PCDHGA6: variants seen among roughly 807,000 people sequenced by gnomAD.
PCDHGA6 encodes the protein protocadherin gamma subfamily A, 6.
Under a neutral mutation model 60.6 loss-of-function variants are expected in PCDHGA6, and 41 were observed. The ratio of observed to expected loss-of-function variants is 0.68; its 90% confidence interval spans 0.53 to 0.88. PCDHGA6 has a LOEUF of 0.88. Among genes scored for constraint, PCDHGA6 ranks in the 40% least tolerant of loss-of-function variants. The pLI is 0.00. For synonymous variants in PCDHGA6, 594 were observed against 524.4 expected (o/e 1.13, Z -1.81); for missense variants, 1,312 against 1,203.0 (o/e 1.09, Z -1.34).
intron 1 of PCDHGA6, chr5:141,478,768 A>G: frequency 6.7e-7 from 1 of 1,501,046 alleles, no homozygotes; most frequent in African/African-American, 1.4e-5. Context: ...TACTTGACTC[A>G]TCTGTGGACC....
At chr5:141,414,395 G>GAAAAGTCC (rs1226242642) in intron 1 of PCDHGA6, 1 of 1,613,924 alleles carries the variant, frequency 6.2e-7, no homozygotes, top group South Asian at 1.1e-5. Context: ...AGTTATTACA[G>GAAAAGTCC]ATTGGTGATA....
intron 1 of PCDHGA6, chr5:141,389,294 A>C: frequency 1.2e-6 from 2 of 1,613,964 alleles, no homozygotes; most frequent in Non-Finnish European, 8.5e-7. Flanking sequence ...CCTCTATTTC[A>C]CAAGTCAGGG....
At chr5:141,502,932 C>T (rs1039438031) in intron 2 of PCDHGA6, among the ~76,000 whole-genome samples, 2 of 143,766 alleles carry the variant, frequency 1.4e-5, no homozygotes, top group African/African-American at 5.3e-5. Context: ...CAACCTTCAC[C>T]TCCTGGGTTC....
Position 141,375,597 on chromosome 5 carries a change from T to A in PCDHGA6, c.1514T>A (p.Val505Glu), listed in dbSNP as rs752006849. ...TLQGAPLSSY[V>E]SINSDTGILY... ...CAGGGGGCGCCCCTGTCCTCCTACG[T>A]GTCCATCAACTCCGACACTGGGATT... Residue 505 changes from valine to glutamate, a missense_variant, in exon 1 of 4, where the codon GTG (valine) becomes GAG (glutamate). Transcript: ENST00000517434. The A allele has an allele frequency of 1.4e-5, 22 of 1,614,042 alleles. No homozygotes were observed. In the Middle Eastern group the frequency reaches 4.9e-4, roughly 36 times the overall value.
intron 1 of PCDHGA6, chr5:141,399,694 A>G (rs1467163302): frequency 1.9e-6 from 3 of 1,613,454 alleles, no homozygotes; most frequent in Admixed American, 1.7e-5. Flanking sequence ...GCAGCTGCGC[A>G]CCTTCGAACT....
At position 141,379,889 on chromosome 5, in the gene PCDHGA6, C is replaced by CTTTTTTTTTTTTT. The variant is rs70988800; in HGVS notation, c.2424+3400_2424+3412dup. Among the ~76,000 whole-genome samples, 110 of 50,830 alleles carry CTTTTTTTTTTTTT rather than the reference C, an allele frequency of 2.2e-3. 13 individuals carry two copies. Among genetic ancestry groups the CTTTTTTTTTTTTT allele is most frequent in the African/African-American group, 3.3e-3 (50 of 15,082 alleles). 33.3% of individuals were successfully genotyped at this position (50,830 alleles called of 152,430 possible). ...CTTATTTTATGGTCTGTGAAAGCCTCTTTTTTTTTTTTTTTTTTTTTTTTT... is the reference window on the plus strand; with the variant it reads ...CTTATTTTATGGTCTGTGAAAGCCTCTTTTTTTTTTTTTTTTTTTTTTTTTTTTTTTTTTTTTT... On this transcript the variant is annotated intron_variant, in intron 1 of 3. Transcript: ENST00000517434.
At chr5:141,413,221 G>C (rs1384304697) in intron 1 of PCDHGA6, 1 of 1,613,570 alleles carries the variant, frequency 6.2e-7, no homozygotes, top group South Asian at 1.1e-5. Context: ...GGATTGCAGC[G>C]GGCTGGTCCT....
At position 141,432,781 on chromosome 5, in the gene PCDHGA6, C is replaced by T. The variant is rs761954375; in HGVS notation, c.2424+56274C>T. On this transcript the variant is annotated intron_variant, in intron 1 of 3. Coordinates refer to ENST00000517434, the MANE Select transcript of PCDHGA6 (RefSeq NM_018919.3). This position sits in a 1 kb window ranked among gnomAD's most constrained non-coding sequence, Gnocchi z 6.0. ...ACAGCATCCCCCAAGTCCTGGCGGA[C>T]CTCGGCAGCCTCGAGTCTCCAGCTA... The T allele has an allele frequency of 3.1e-6, 5 of 1,614,064 alleles. No homozygotes were observed. The Admixed American group carries it at 8.3e-5, about 27-fold the overall frequency.
chr5:141,477,157 C>G lies in PCDHGA6; in HGVS notation c.2425-17650C>G. ...TGGTGGAGGTTGTGGATGTGAATGA[C>G]AACGCCCCGGAGATCACAGTCACCT... is the stretch of plus-strand genomic sequence containing the variant. On this transcript the variant is annotated intron_variant, in intron 1 of 3. Transcript: ENST00000517434. This position sits in a 1 kb window ranked among gnomAD's most constrained non-coding sequence, Gnocchi z 4.9. 1 of 1,614,182 alleles carries G rather than the reference C, an allele frequency of 6.2e-7. No individual in the cohort carries two copies. Among genetic ancestry groups the G allele is most frequent in the Non-Finnish European group, 8.5e-7 (1 of 1,180,038 alleles).
At position 141,511,036 on chromosome 5, in the gene PCDHGA6, G is replaced by A. The variant is rs116366286; in HGVS notation, c.2662G>A (p.Val888Met). ...CGGACCCCAGTTCACCCTGCAGCAC[G>A]TGCCCGACTACCGCCAGAATGTCTA... is the stretch of plus-strand genomic sequence containing the variant. ...RYGPQFTLQH[V>M]PDYRQNVYIP... is the part of the protein sequence containing the mutation. Residue 888 changes from valine to methionine, a missense_variant, in exon 4 of 4, where the codon GTG becomes ATG. Physicochemically the swap from Val to Met is conservative, Grantham distance 21. Transcript: ENST00000517434. 5.5e-5 allele frequency: 89 copies of A among 1,614,198 alleles called. No individual in the cohort carries two copies. The highest frequency in any genetic ancestry group is 1.6e-4 in the Middle Eastern group (1 of 6,062).
chr5:141,415,406 T>G, intron 1 of PCDHGA6: 1 of 1,614,208 alleles, frequency 6.2e-7, no homozygotes. Flanking sequence ...GGCTCGCACT[T>G]TGTGGGCGTG....
At position 141,405,128 on chromosome 5, in the gene PCDHGA6, C is replaced by T. The variant is rs373084923; in HGVS notation, c.2424+28621C>T. On this transcript the variant is annotated intron_variant, in intron 1 of 3. Transcript: ENST00000517434. ...GCACTGGCACTCCTCGCATCTGCTG[C>T]GGGCTACCAGTGATGGGTTGGCTGG... is the stretch of plus-strand genomic sequence containing the variant. The T allele has an allele frequency of 4.8e-5, 78 of 1,614,002 alleles. No individual in the cohort carries two copies. The highest frequency in any genetic ancestry group is 2.8e-4 in the African/African-American group (21 of 75,052).
Position 141,486,683 on chromosome 5 carries a change from G to T in PCDHGA6, c.2425-8124G>T. The T allele has an allele frequency of 6.2e-7, 1 of 1,614,092 alleles. No homozygotes were observed. Among genetic ancestry groups the T allele is most frequent in the Non-Finnish European group, 8.5e-7 (1 of 1,180,026 alleles). ...GGAGCCCAGGAATCGAGATGTATCA[G>T]CTTCCTCTTTCATCTCTCTGAACCC... On this transcript the variant is annotated intron_variant, in intron 1 of 3. Transcript: ENST00000517434. This position sits in a 1 kb window ranked among gnomAD's most constrained non-coding sequence, Gnocchi z 5.0.
chr5:141,421,787 C>A (rs753196648), intron 1 of PCDHGA6: 1 of 1,613,812 alleles, frequency 6.2e-7, no homozygotes, highest in East Asian at 2.2e-5. Flanking sequence ...CGGGGCAGAA[C>A]GGATGGGGCC....
chr5:141,376,171 G>T lies in PCDHGA6; in HGVS notation c.2088G>T (p.Ala696=), dbSNP rs758847977. 6.2e-7 allele frequency: 1 copy of T among 1,614,096 alleles called. No individual in the cohort carries two copies. Among genetic ancestry groups the T allele is most frequent in the South Asian group, 1.1e-5 (1 of 91,078 alleles). The change falls in exon 1 of 4, where the codon GCG becomes GCT. Residue 696 remains alanine, a synonymous_variant. Coordinates refer to ENST00000517434, the MANE Select transcript of PCDHGA6 (RefSeq NM_018919.3). ...DSDLTLYLVV[A]VAAVSCVFLA... is the part of the protein sequence containing the mutation. ...ACCTCACTCTGTACCTGGTGGTGGCGGTGGCCGCGGTCTCCTGCGTCTTCC... is the reference window on the plus strand; with the variant it reads ...ACCTCACTCTGTACCTGGTGGTGGCTGTGGCCGCGGTCTCCTGCGTCTTCC...
chr5:141,380,304 C>T (rs1241911160), intron 1 of PCDHGA6, among the ~76,000 whole-genome samples: 3 of 151,974 alleles, frequency 2.0e-5, no homozygotes, highest in Non-Finnish European at 2.9e-5. Flanking sequence ...TATATCTTTG[C>T]TTGAGAATGA....
intron 1 of PCDHGA6, among the ~76,000 whole-genome samples, chr5:141,445,668 G>C (rs899062385): frequency 6.6e-6 from 1 of 152,156 alleles, no homozygotes; most frequent in Non-Finnish European, 1.5e-5. Flanking sequence ...ATGAGTAGAA[G>C]TTATCTAGGT....
At chr5:141,442,629 A>G (rs959326665) in intron 1 of PCDHGA6, among the ~76,000 whole-genome samples, 2 of 152,248 alleles carry the variant, frequency 1.3e-5, no homozygotes, top group African/African-American at 4.8e-5. Context: ...TTCTAGCAGC[A>G]AGACCAAAGG....
At position 141,433,401 on chromosome 5, in the gene PCDHGA6, A is replaced by C. The variant is rs181247960; in HGVS notation, c.2424+56894A>C. ...TATCTATCTATCTATCTATCTATCT[A>C]TCTATTACTTTCTTGTACAGACAGG... On this transcript the variant is annotated intron_variant, in intron 1 of 3. Transcript: ENST00000517434. Among the ~76,000 whole-genome samples, 679 of 150,596 alleles carry C rather than the reference A, an allele frequency of 4.5e-3. 8 individuals carry two copies. The highest frequency in any genetic ancestry group is 0.015 in the African/African-American group (630 of 40,956).
Sources: allele counts gnomAD v4.1 joint callset (sites outside exome capture counted in the v4.1 genomes callset), GRCh38; gene constraint gnomAD v4.1.1; non-coding constraint Gnocchi (gnomAD v3.1); transcripts MANE v1.5; gene names NCBI Gene and HGNC (gene_info 2026-07-23, HGNC 2026-07-21).